Variants in APBB2 observed in about 807,000 individuals in gnomAD.
APBB2 encodes the protein Fe65-like 1.
APBB2 carries 38 observed loss-of-function variants against 82.5 expected under a neutral mutation model. The ratio of observed to expected loss-of-function variants is 0.46; its 90% CI spans 0.36 to 0.60. The LOEUF is 0.60. APBB2 is among the 20% of genes least tolerant of loss of function. The pLI is 0.00. For missense variants in APBB2, 772 were observed against 972.3 expected (o/e 0.79, Z 2.74); for synonymous variants, 341 against 368.2 (o/e 0.93, Z 0.85).
chr4:40,872,925 C>G (rs1219235372), intron 12 of APBB2, among the ~76,000 whole-genome samples: 1 of 151,504 alleles, frequency 6.6e-6, no homozygotes, highest in Non-Finnish European at 1.5e-5. Flanking sequence ...ATCTCTACTA[C>G]AAATACAAAA....
At chr4:40,853,049 A>T (rs1053492976) in intron 12 of APBB2, among the ~76,000 whole-genome samples, 1 of 152,210 alleles carries the variant, frequency 6.6e-6, no homozygotes, top group Non-Finnish European at 1.5e-5. Context: ...TTTTCTACAG[A>T]CATAAACAAC....
chr4:40,986,471 T>C (rs1264452214), intron 6 of APBB2, among the ~76,000 whole-genome samples: 1 of 152,228 alleles, frequency 6.6e-6, no homozygotes, highest in Non-Finnish European at 1.5e-5. Flanking sequence ...AGATTTTGTG[T>C]GGGAGAGTAC....
At chr4:40,866,054 C>T (rs1763975312) in intron 12 of APBB2, among the ~76,000 whole-genome samples, 1 of 152,230 alleles carries the variant, frequency 6.6e-6, no homozygotes, top group Admixed American at 6.5e-5. Flanking sequence ...GGCAGTTTCT[C>T]ATAAACTTAA....
At chr4:41,006,250 C>T (rs1806692217) in intron 6 of APBB2, among the ~76,000 whole-genome samples, 1 of 152,110 alleles carries the variant, frequency 6.6e-6, no homozygotes, top group South Asian at 2.1e-4. Context: ...ACTCGGAAAA[C>T]ACACTATCTA....
At chr4:41,146,814 T>C (rs978951707) in intron 1 of APBB2, among the ~76,000 whole-genome samples, 20 of 152,188 alleles carry the variant, frequency 1.3e-4, no homozygotes, top group Non-Finnish European at 2.8e-4. Flanking sequence ...CTCGTCATCC[T>C]TTCCCGACTG....
At chr4:41,191,889 C>T (rs931300027) in intron 1 of APBB2, among the ~76,000 whole-genome samples, 21 of 152,088 alleles carry the variant, frequency 1.4e-4, no homozygotes, top group Non-Finnish European at 2.5e-4. Flanking sequence ...CCTAATATGG[C>T]GGTCACGATC....
intron 2 of APBB2, among the ~76,000 whole-genome samples, chr4:41,105,840 A>C (rs935549553): frequency 2.6e-5 from 4 of 151,016 alleles, no homozygotes; most frequent in East Asian, 1.9e-4. Context: ...GAGCCCAGAT[A>C]GCGCCACTGC....
intron 6 of APBB2, among the ~76,000 whole-genome samples, chr4:40,949,025 T>A (rs1446384379): frequency 6.6e-6 from 1 of 151,894 alleles, no homozygotes; most frequent in Admixed American, 6.6e-5. Context: ...ATGCCTATAA[T>A]CCCATCACTT....
At chr4:41,181,002 G>C (rs1331415382) in intron 1 of APBB2, among the ~76,000 whole-genome samples, 2 of 152,092 alleles carry the variant, frequency 1.3e-5, no homozygotes, top group Admixed American at 6.6e-5. Context: ...CAGAATAGGT[G>C]CTCTCTTCAA....
At chr4:41,122,452 C>T (rs34022785) in intron 2 of APBB2, among the ~76,000 whole-genome samples, 9,203 of 152,220 alleles carry the variant, frequency 0.06, 333 homozygotes, top group Middle Eastern at 0.14. Flanking sequence ...TCCTGAAGCA[C>T]CAAGGTAGGA....
intron 1 of APBB2, among the ~76,000 whole-genome samples, chr4:41,173,344 A>G (rs1768848467): frequency 6.6e-6 from 1 of 152,234 alleles, no homozygotes; most frequent in African/African-American, 2.4e-5. Context: ...CAGCAGCTAA[A>G]TTCTCCTGGA....
rs565998522 is a variant in APBB2 at position 40,997,799 on chromosome 4, A to G, written c.835+15784T>C. On this transcript the variant is annotated intron_variant, in intron 6 of 17. Coordinates refer to ENST00000508593, the MANE Select transcript of APBB2 (RefSeq NM_004307.2). ...AGTGGTTATTGTGTTCCCCAATGTA[A>G]TAACGTCCTTGAAGCGGTAAAAATT... Among the ~76,000 whole-genome samples the G allele has an allele frequency of 5.9e-5, 9 of 152,354 alleles. No individual in the cohort carries two copies. In the East Asian group the frequency reaches 1.7e-3, roughly 29 times the overall value.
At chr4:40,932,788 A>T (rs760373874) in intron 10 of APBB2, among the ~76,000 whole-genome samples, 2 of 152,206 alleles carry the variant, frequency 1.3e-5, no homozygotes, top group Non-Finnish European at 2.9e-5. Flanking sequence ...AAGCAGGGGG[A>T]AGACGCTACA....
chr4:40,996,584 C>T (rs1351915583), intron 6 of APBB2, among the ~76,000 whole-genome samples: 3 of 152,170 alleles, frequency 2.0e-5, no homozygotes, highest in Non-Finnish European at 4.4e-5. Flanking sequence ...TAAAATCAAA[C>T]ACATCATCTT....
In APBB2 at chr4:40,855,027, G is replaced by A. The variant is rs536783899; in HGVS notation, c.1530-24450C>T. Reference sequence around the variant, plus strand: ...CAAAGTAAGCAAGTTCAAGATGACCGACTTTAGTGCCCAATGGCCCACTGG... The same window carrying A: ...CAAAGTAAGCAAGTTCAAGATGACCAACTTTAGTGCCCAATGGCCCACTGG... On this transcript the variant is annotated intron_variant, in intron 12 of 17. Coordinates refer to ENST00000508593, the MANE Select transcript of APBB2 (RefSeq NM_004307.2). Among the ~76,000 whole-genome samples, 118 of 152,276 alleles carry A rather than the reference G, an allele frequency of 7.7e-4. 1 individual carries two copies. The highest frequency in any genetic ancestry group is 2.7e-3 in the African/African-American group (112 of 41,548).
At chr4:40,881,041 T>C (rs1768329977) in intron 12 of APBB2, 5 of 985,310 alleles carry the variant, frequency 5.1e-6, no homozygotes, top group Non-Finnish European at 3.6e-6. Context: ...GGTTATTCTG[T>C]GCTGAAAGTA....
At chr4:40,851,977 A>C (rs1759611881) in intron 12 of APBB2, among the ~76,000 whole-genome samples, 1 of 152,094 alleles carries the variant, frequency 6.6e-6, no homozygotes, top group Non-Finnish European at 1.5e-5. Flanking sequence ...CCCTCTTTGA[A>C]TTGAAATACA....
At chr4:40,925,115 G>A (rs544261019) in intron 10 of APBB2, among the ~76,000 whole-genome samples, 14 of 152,206 alleles carry the variant, frequency 9.2e-5, no homozygotes, top group African/African-American at 2.4e-4. Flanking sequence ...ATATGCCCCC[G>A]GAACAACCCC....
At chr4:41,126,098 G>C (rs889030878) in intron 2 of APBB2, among the ~76,000 whole-genome samples, 11 of 151,978 alleles carry the variant, frequency 7.2e-5, no homozygotes, top group African/African-American at 1.7e-4. Flanking sequence ...TGATCAGAAA[G>C]GCCAGGCACA....
Sources: gnomAD v4.1 joint callset for allele counts (sites outside exome capture counted in the v4.1 genomes callset) on GRCh38, gnomAD v4.1.1 for gene constraint, MANE v1.5 for transcripts, NCBI Gene and HGNC (gene_info 2026-07-23, HGNC 2026-07-21) for gene names.